The following MECOM variants were observed in gnomAD, a reference collection of about 807,000 sequenced individuals.
MECOM encodes MDS1 and EVI1 complex locus.
MECOM carries 13 observed loss-of-function variants against 116.3 expected under a neutral mutation model. That is an observed-to-expected ratio of 0.11 (90% CI 0.07 to 0.18). The LOEUF (loss-of-function observed/expected upper bound fraction) is 0.18, where lower values mean the gene tolerates loss of function less well. Ranked by LOEUF, MECOM falls within the 10% of genes least tolerant of loss-of-function variation. The probability of loss-of-function intolerance (pLI) is 1.00; values close to 1 mark genes in which losing one functional copy is unlikely to be tolerated. For synonymous variants in MECOM, 528 were observed against 535.2 expected, an observed-to-expected ratio of 0.99 and a Z score of 0.19; for missense variants, 1,299 against 1,509.0, an observed-to-expected ratio of 0.86 and a Z score of 2.31.
intron 1 of MECOM, among the ~76,000 whole-genome samples, chr3:169,519,985 G>A (rs1757161191): frequency 6.6e-6 from 1 of 152,234 alleles, no homozygotes. Flanking sequence ...CTGGTTCAAG[G>A]TTAGGCACAC....
chr3:169,158,903 G>T (rs1160629228), intron 2 of MECOM, among the ~76,000 whole-genome samples: 1 of 152,098 alleles, frequency 6.6e-6, no homozygotes, highest in South Asian at 2.1e-4. Context: ...TTTGTGTGTG[G>T]TCCAGGTGAT....
chr3:169,296,791 G>A (rs1239572102), intron 2 of MECOM, among the ~76,000 whole-genome samples: 4 of 152,174 alleles, frequency 2.6e-5, no homozygotes, highest in African/African-American at 9.7e-5. Context: ...TCTCATACTC[G>A]TAAACATGGT....
chr3:169,562,000 G>A (rs1762687075), intron 1 of MECOM, among the ~76,000 whole-genome samples: 1 of 151,640 alleles, frequency 6.6e-6, no homozygotes, highest in Non-Finnish European at 1.5e-5. Flanking sequence ...ACAAAAATTA[G>A]CCCGGCATGG....
intron 1 of MECOM, among the ~76,000 whole-genome samples, chr3:169,606,973 A>G (rs891096466): frequency 6.6e-6 from 1 of 152,258 alleles, no homozygotes; most frequent in African/African-American, 2.4e-5. Flanking sequence ...GTATAGCTCA[A>G]GTCGTAGTGT....
chr3:169,187,636 G>A (rs949019679), intron 2 of MECOM, among the ~76,000 whole-genome samples: 3 of 152,104 alleles, frequency 2.0e-5, no homozygotes, highest in African/African-American at 7.2e-5. Context: ...AGGAGAGGGG[G>A]AGAGCAAGTT....
intron 1 of MECOM, among the ~76,000 whole-genome samples, chr3:169,387,703 T>C (rs2108316069): frequency 6.6e-6 from 1 of 152,278 alleles, no homozygotes; most frequent in African/African-American, 2.4e-5. Flanking sequence ...TATATGCATA[T>C]AATACACACA....
At chr3:169,305,367 C>G (rs1717477141) in intron 2 of MECOM, among the ~76,000 whole-genome samples, 1 of 152,024 alleles carries the variant, frequency 6.6e-6, no homozygotes, top group Non-Finnish European at 1.5e-5. Context: ...TAATGTGCAT[C>G]TCAATTACGA....
intron 1 of MECOM, among the ~76,000 whole-genome samples, chr3:169,640,813 T>C (rs1773378215): frequency 6.6e-6 from 1 of 152,046 alleles, no homozygotes; most frequent in Non-Finnish European, 1.5e-5. Flanking sequence ...TAAATCAAGG[T>C]TTGCCAGAAA....
In MECOM at chr3:169,084,815, T is replaced by C; in HGVS notation, c.*94A>G. 1 of 1,413,300 alleles carries C rather than the reference T, an allele frequency of 7.1e-7. No homozygotes were observed. The highest frequency in any genetic ancestry group is 9.8e-7 in the Non-Finnish European group (1 of 1,017,714). 87.5% of individuals were successfully genotyped at this position (1,413,300 alleles called of 1,614,324 possible). ...TTAGATGAGTGACCCTGCAGGTTTA[T>C]AAGGCATTCTGCTCAGCAGTCTTGT... On this transcript the variant is annotated 3_prime_UTR_variant, in exon 17 of 17. Coordinates refer to ENST00000651503, the MANE Select transcript of MECOM (RefSeq NM_004991.4).
At chr3:169,199,800 C>T (rs1354478601) in intron 2 of MECOM, among the ~76,000 whole-genome samples, 1 of 151,994 alleles carries the variant, frequency 6.6e-6, no homozygotes, top group Non-Finnish European at 1.5e-5. Context: ...ATAGTTTCAT[C>T]CTAGCGTTAC....
chr3:169,437,012 G>A lies in MECOM; in HGVS notation c.38-55488C>T, dbSNP rs191526807. ...AATTATGAAGAAGTTATTTTGCTACGGCTAAAAATAATTTCAGAGTACTTT... is the reference window on the plus strand; with the variant it reads ...AATTATGAAGAAGTTATTTTGCTACAGCTAAAAATAATTTCAGAGTACTTT... On this transcript the variant is annotated intron_variant, in intron 1 of 16. Transcript: ENST00000651503. Among the ~76,000 whole-genome samples, 326 of 152,098 alleles carry A rather than the reference G, an allele frequency of 2.1e-3. 4 individuals carry two copies. Among genetic ancestry groups the A allele is most frequent in the African/African-American group, 7.1e-3 (294 of 41,494 alleles).
chr3:169,536,954 C>G (rs1340879837), intron 1 of MECOM, among the ~76,000 whole-genome samples: 2 of 152,106 alleles, frequency 1.3e-5, no homozygotes, highest in Non-Finnish European at 2.9e-5. Flanking sequence ...GAAACTGCAG[C>G]TCTGAGAAGT....
chr3:169,620,612 G>A (rs1770590643), intron 1 of MECOM, among the ~76,000 whole-genome samples: 1 of 152,196 alleles, frequency 6.6e-6, no homozygotes, highest in Non-Finnish European at 1.5e-5. Context: ...AGCCAAGGTT[G>A]TCTCCATGGG....
chr3:169,216,776 AAG>A (rs1751475010), intron 2 of MECOM, among the ~76,000 whole-genome samples: 1 of 152,190 alleles, frequency 6.6e-6, no homozygotes. Context: ...AATTTTGCAA[AAG>A]AGATATACAG....
At chr3:169,102,610 C>T (rs1723985725) in intron 10 of MECOM, among the ~76,000 whole-genome samples, 1 of 152,060 alleles carries the variant, frequency 6.6e-6, no homozygotes, top group African/African-American at 2.4e-5. Context: ...GGAAAAGTTG[C>T]TATATGCCTT....
At chr3:169,603,871 G>A (rs1768147882) in intron 1 of MECOM, among the ~76,000 whole-genome samples, 1 of 152,126 alleles carries the variant, frequency 6.6e-6, no homozygotes, top group Admixed American at 6.5e-5. Flanking sequence ...ATGCATGACT[G>A]TGTTTGCTTA....
At chr3:169,647,022 G>T (rs935627730) in intron 1 of MECOM, among the ~76,000 whole-genome samples, 4 of 152,154 alleles carry the variant, frequency 2.6e-5, no homozygotes, top group African/African-American at 9.7e-5. Flanking sequence ...ACTAAGAGTT[G>T]TATGAAATCA....
intron 1 of MECOM, among the ~76,000 whole-genome samples, chr3:169,645,277 A>T (rs1402855845): frequency 1.3e-5 from 2 of 148,624 alleles, no homozygotes; most frequent in Non-Finnish European, 3.0e-5. Flanking sequence ...CTGCTTTTTA[A>T]CATTTCTGAG....
chr3:169,483,196 A>ATTTTTTT (rs757660718), intron 1 of MECOM, among the ~76,000 whole-genome samples: 14 of 104,768 alleles, frequency 1.3e-4, no homozygotes, highest in East Asian at 6.0e-4. Flanking sequence ...TTTTATTTTT[A>ATTTTTTT]TTTTTATTTT....
Sources: gnomAD v4.1 joint callset for allele counts (sites outside exome capture counted in the v4.1 genomes callset) on GRCh38, gnomAD v4.1.1 for gene constraint, MANE v1.5 for transcripts, NCBI Gene and HGNC (gene_info 2026-07-23, HGNC 2026-07-21) for gene names.